The following PPP4R3B variants were observed in gnomAD, a reference collection of about 807,000 sequenced individuals.
PPP4R3B encodes protein phosphatase 4 regulatory subunit 3B.
PPP4R3B carries 52 observed loss-of-function variants against 95.4 expected under a neutral mutation model. That is an observed-to-expected ratio of 0.54 (90% CI 0.44 to 0.69). The LOEUF (loss-of-function observed/expected upper bound fraction) is 0.69, where lower values mean the gene tolerates loss of function less well. PPP4R3B is among the 30% of genes least tolerant of loss of function. PPP4R3B has a pLI of 0.00. For synonymous variants in PPP4R3B, 407 were observed against 343.9 expected (o/e 1.18, Z -2.03); for missense variants, 1,003 against 1,005.9 (o/e 1.00, Z 0.04).
In PPP4R3B at chr2:55,549,942, G is replaced by A; in HGVS notation, c.2519C>T (p.Ser840Phe). The A allele has an allele frequency of 6.2e-7, 1 of 1,611,838 alleles. No individual in the cohort carries two copies. Among genetic ancestry groups the A allele is most frequent in the Non-Finnish European group, 8.5e-7 (1 of 1,179,770 alleles). The change falls in exon 17 of 17, where the codon TCC becomes TTC. Residue 840 changes from serine to phenylalanine, a missense_variant. Physicochemically the swap from Ser to Phe is radical, Grantham distance 155. Coordinates refer to ENST00000616407, the MANE Select transcript of PPP4R3B (RefSeq NM_001122964.3). ...GCCAAGACGAGGTCTTTTCCTGGGG[G>A]ACGATTCTTCTTCTTCATCTTCCTC... is the stretch of plus-strand genomic sequence containing the variant. ...DEEEDEEEES[S>F]PRKRPRLGS
chr2:55,552,899 GA>G (rs2103765578), intron 16 of PPP4R3B, among the ~76,000 whole-genome samples: 2 of 152,318 alleles, frequency 1.3e-5, no homozygotes, highest in Non-Finnish European at 2.9e-5. Context: ...GAGGGATACA[GA>G]AACGAGAAAC....
rs545251569 is a variant in PPP4R3B, at chr2:55,592,371, C to G, written c.922-3415G>C. Among the ~76,000 whole-genome samples the G allele has an allele frequency of 2.6e-5, 4 of 152,236 alleles. No homozygotes were observed. In the East Asian group the frequency reaches 7.7e-4, roughly 29 times the overall value. ...CCACAAGACAGGTTTCCAAGTATTT[C>G]AAACTTCAAACGTATGAATCAAACC... On this transcript the variant is annotated intron_variant, in intron 4 of 16. Coordinates refer to ENST00000616407, the MANE Select transcript of PPP4R3B (RefSeq NM_001122964.3).
chr2:55,605,820 C>T (rs887207028), intron 2 of PPP4R3B, among the ~76,000 whole-genome samples: 8 of 150,904 alleles, frequency 5.3e-5, no homozygotes, highest in East Asian at 1.9e-4. Context: ...GCAAAAGAAT[C>T]GCTTGAACCG....
intron 16 of PPP4R3B, among the ~76,000 whole-genome samples, chr2:55,551,615 G>C (rs1685251477): frequency 6.6e-6 from 1 of 151,982 alleles, no homozygotes; most frequent in African/African-American, 2.4e-5. Context: ...GCCAGGAGTG[G>C]TGGCGCATGC....
chr2:55,615,587 C>T, intron 1 of PPP4R3B, 81 bp from the exon 2 acceptor site: 1 of 969,854 alleles, frequency 1.0e-6, no homozygotes, highest in South Asian at 1.5e-5. Context: ...TAAAGCCGGG[C>T]GCAGTGGCTC....
At position 55,598,860 on chromosome 2, in the gene PPP4R3B, C is replaced by G. The variant is rs1186365068; in HGVS notation, c.477G>C (p.Arg159Ser). ...TTTCCAAGGCGAGAGCCAGCTTTTC[C>G]CTACGGATAGGTGAGGAGAGCACTG... is the stretch of plus-strand genomic sequence containing the variant. ...VTSVLSSPIR[R>S]EKLALALENE... The change falls in exon 4 of 17, where the codon AGG becomes AGC. Residue 159 changes from arginine (R) to serine (S), a missense_variant. Physicochemically the swap from Arg to Ser is moderately radical, Grantham distance 110 (BLOSUM62 -1). Coordinates refer to ENST00000616407, the MANE Select transcript of PPP4R3B (RefSeq NM_001122964.3). 6.2e-7 allele frequency: 1 copy of G among 1,614,016 alleles called. No individual in the cohort carries two copies. Among genetic ancestry groups the G allele is most frequent in the Admixed American group, 1.7e-5 (1 of 59,996 alleles).
At position 55,573,821 on chromosome 2, in the gene PPP4R3B, C is replaced by G. The variant is rs377499116; in HGVS notation, c.1607-44G>C. Reference sequence around the variant, plus strand: ...TCATGAAAATAAATATTGAATATATCTAAATAAAGAATAAATAAAGCTTAC... The same window carrying G: ...TCATGAAAATAAATATTGAATATATGTAAATAAAGAATAAATAAAGCTTAC... On this transcript the variant is annotated intron_variant, in intron 11 of 16. Transcript: ENST00000616407. 7.6e-5 allele frequency: 93 copies of G among 1,216,276 alleles called. No homozygotes were observed. The African/African-American group carries it at 9.3e-4, about 12-fold the overall frequency. 75.3% of individuals were successfully genotyped at this position (1,216,276 alleles called of 1,614,324 possible). A position where few individuals can be genotyped will look rare whatever the true frequency, so the allele number is the denominator to read the frequency against.
chr2:55,598,367 G>C, intron 4 of PPP4R3B, 49 bp downstream of exon 4: 1 of 1,566,408 alleles, frequency 6.4e-7, no homozygotes, highest in South Asian at 1.2e-5. Context: ...ACTATTAAGG[G>C]AACTAAATAT....
At chr2:55,573,129 ATTAAATGTCTATAT>A (rs1162456909) in intron 12 of PPP4R3B, among the ~76,000 whole-genome samples, 5 of 152,334 alleles carry the variant, frequency 3.3e-5, no homozygotes, top group Non-Finnish European at 7.4e-5. Flanking sequence ...TATACATTAA[ATTAAATGTCTATAT>A]TTAAAATATA....
At chr2:55,592,235 G>GTCT (rs1266574205) in intron 4 of PPP4R3B, among the ~76,000 whole-genome samples, 2 of 152,160 alleles carry the variant, frequency 1.3e-5, no homozygotes, top group African/African-American at 4.8e-5. Flanking sequence ...TAAATTTCAA[G>GTCT]AGACTGAGGT....
intron 8 of PPP4R3B, among the ~76,000 whole-genome samples, chr2:55,581,130 G>T (rs1689386908): frequency 6.6e-6 from 1 of 152,132 alleles, no homozygotes; most frequent in Non-Finnish European, 1.5e-5. Context: ...GTGTGCGTCT[G>T]TAGTCCCAGC....
chr2:55,579,326 C>T (rs13010217), intron 9 of PPP4R3B, among the ~76,000 whole-genome samples: 33,673 of 151,912 alleles, frequency 0.22, 3,845 homozygotes, highest in East Asian at 0.3. Flanking sequence ...CTAGATATCG[C>T]ACAAATTTGG....
At chr2:55,577,164 G>T in intron 11 of PPP4R3B, 151 bp downstream of exon 11, 1 of 939,580 alleles carries the variant, frequency 1.1e-6, no homozygotes, top group South Asian at 2.5e-5. Flanking sequence ...TTTTAATATT[G>T]GAGATAGTGG....
Position 55,598,745 on chromosome 2 carries a change from T to C in PPP4R3B, c.592A>G (p.Ile198Val). The change falls in exon 4 of 17, where the codon ATT (isoleucine) becomes GTT (valine). Residue 198 changes from isoleucine (I) to valine (V), a missense_variant. Around this residue, in one of 3 missense-constraint regions of PPP4R3B, gnomAD observed 695 missense variants for 686.2 expected, o/e 1.01. Transcript: ENST00000616407. The stretch of plus-strand genomic sequence containing the variant: ...TTATTTAGGAATAAGATTCCTCTAA[T>C]AATTTCATACAAATGGTGTAAGCCT... ...TEGLHHLYEIIRGILFLNKAT... is the reference protein window; with the variant it reads ...TEGLHHLYEIVRGILFLNKAT... The C allele has an allele frequency of 6.2e-7, 1 of 1,614,252 alleles. No homozygotes were observed. The highest frequency in any genetic ancestry group is 1.3e-5 in the African/African-American group (1 of 75,074).
At chr2:55,600,164 C>T (rs532513779) in intron 3 of PPP4R3B, among the ~76,000 whole-genome samples, 51 of 152,234 alleles carry the variant, frequency 3.4e-4, no homozygotes, top group South Asian at 6.2e-4. Context: ...TGGCGGCTCA[C>T]GCCTGTAATG....
intron 7 of PPP4R3B, among the ~76,000 whole-genome samples, chr2:55,584,455 T>G (rs1689859993): frequency 6.6e-6 from 1 of 152,214 alleles, no homozygotes; most frequent in Admixed American, 6.5e-5. Flanking sequence ...ACCCAAGCAG[T>G]ATACACTGCA....
At chr2:55,617,123 C>G (rs375707496) in intron 1 of PPP4R3B, 21 bp downstream of exon 1, 2 of 1,603,556 alleles carry the variant, frequency 1.2e-6, no homozygotes, top group African/African-American at 2.7e-5. Context: ...ATCCCCTATT[C>G]TACAGTTCCG....
At chr2:55,583,242 T>A (rs933022161) in intron 7 of PPP4R3B, among the ~76,000 whole-genome samples, 2 of 152,126 alleles carry the variant, frequency 1.3e-5, no homozygotes, top group African/African-American at 4.8e-5. Flanking sequence ...TAATTTGGAT[T>A]TTTTTTGGTA....
intron 15 of PPP4R3B, among the ~76,000 whole-genome samples, chr2:55,560,256 G>A (rs1307858584): frequency 6.6e-6 from 1 of 152,212 alleles, no homozygotes; most frequent in Non-Finnish European, 1.5e-5. Context: ...CTTGTTGACT[G>A]GTTTTGACCA....
Sources: gnomAD v4.1 joint callset for allele counts (sites outside exome capture counted in the v4.1 genomes callset) on GRCh38, gnomAD v4.1.1 for gene constraint, gnomAD v4.1.1 regional missense constraint, MANE v1.5 for transcripts, NCBI Gene and HGNC (gene_info 2026-07-23, HGNC 2026-07-21) for gene names.